The following EIF2AK4 variants were observed in gnomAD, a reference collection of about 807,000 sequenced individuals.
EIF2AK4 encodes eIF-2-alpha kinase GCN2.
A neutral mutation model predicts 211.1 loss-of-function variants in EIF2AK4; 139 were observed. The observed-to-expected ratio is 0.66, with a 90% confidence interval of 0.57 to 0.76. The LOEUF is 0.76. Among genes scored for constraint, EIF2AK4 ranks in the 30% least tolerant of loss-of-function variants. The pLI is 0.00. For missense variants in EIF2AK4, 1,664 were observed against 2,043.8 expected (o/e 0.81, Z 3.58); for synonymous variants, 710 against 751.3 (o/e 0.94, Z 0.90).
intron 38 of EIF2AK4, 103 bp downstream of exon 38, chr15:40,034,547 G>GT: frequency 4.7e-6 from 4 of 854,402 alleles, no homozygotes; most frequent in Non-Finnish European, 7.7e-6. Flanking sequence ...TTGACGCCTG[G>GT]TAAGCTGTTC....
chr15:40,007,884 G>A, intron 24 of EIF2AK4, 143 bp from the exon 25 acceptor site: 1 of 595,844 alleles, frequency 1.7e-6, no homozygotes, highest in Non-Finnish European at 2.7e-6. Context: ...GCTGTTCCAG[G>A]TCAAATTTGT....
At chr15:40,032,106 A>T in intron 35 of EIF2AK4, 63 bp from the exon 36 acceptor site, 2 of 1,333,520 alleles carry the variant, frequency 1.5e-6, no homozygotes, top group South Asian at 2.4e-5. Context: ...GGGATAGGAA[A>T]TAAGATGGCA....
chr15:39,964,877 G>A (rs1258150417), intron 7 of EIF2AK4, among the ~76,000 whole-genome samples: 1 of 152,106 alleles, frequency 6.6e-6, no homozygotes, highest in Non-Finnish European at 1.5e-5. Context: ...TGACCAGTTT[G>A]TATTTACTGA....
At chr15:39,957,218 A>G (rs2034403428) in intron 6 of EIF2AK4, among the ~76,000 whole-genome samples, 1 of 152,194 alleles carries the variant, frequency 6.6e-6, no homozygotes, top group Non-Finnish European at 1.5e-5. Flanking sequence ...AAGTTTAAAC[A>G]TTTCTATTTT....
In EIF2AK4 at chr15:39,994,482, G is replaced by A. The variant is rs565727912; in HGVS notation, c.2766+1634G>A. ...AAATTAGCCAGTCCTGGTGGCACACGTCTGTAGTCCCAGCTCCTCAGGAGG... is the reference window on the plus strand; with the variant it reads ...AAATTAGCCAGTCCTGGTGGCACACATCTGTAGTCCCAGCTCCTCAGGAGG... On this transcript the variant is annotated intron_variant, in intron 18 of 38. Transcript: ENST00000263791. 4.9e-4 allele frequency among the ~76,000 whole-genome samples: 75 copies of A among 152,222 alleles called. No homozygotes were observed. The South Asian group carries it at 0.015, about 30-fold the overall frequency.
intron 16 of EIF2AK4, 127 bp from the exon 17 acceptor site, chr15:39,992,031 GAAAAAAAATTAAAACTC>G: frequency 1.3e-6 from 1 of 763,822 alleles, no homozygotes; most frequent in African/African-American, 1.7e-5. Flanking sequence ...AACTAAACTA[GAAAAAAAATTAAAACTC>G]AAAGCGTTAT....
chr15:39,978,338 A>G (rs1175697673), intron 13 of EIF2AK4, 191 bp downstream of exon 13: 2 of 331,308 alleles, frequency 6.0e-6, no homozygotes, highest in East Asian at 9.2e-5. Flanking sequence ...ATTTATCCAC[A>G]TAGTAAAACA....
chr15:39,954,373 C>T (rs1042570326), intron 5 of EIF2AK4, among the ~76,000 whole-genome samples: 2 of 152,220 alleles, frequency 1.3e-5, no homozygotes, highest in Admixed American at 6.5e-5. Context: ...ATGCCTCAGC[C>T]TCCCGAGTAT....
chr15:40,032,672 C>G, intron 36 of EIF2AK4, 85 bp from the exon 37 acceptor site: 1 of 1,277,836 alleles, frequency 7.8e-7, no homozygotes, highest in Non-Finnish European at 1.1e-6. Flanking sequence ...AAACCCTATT[C>G]ATACTGCTGC....
In EIF2AK4 at chr15:40,029,804, A is replaced by G. The variant is rs922756598; in HGVS notation, c.4561+340A>G. Among the ~76,000 whole-genome samples the G allele has an allele frequency of 5.6e-4, 85 of 152,312 alleles. 1 individual carries two copies. Among genetic ancestry groups the G allele is most frequent in the Middle Eastern group, 3.4e-3 (1 of 294 alleles). Reference sequence around the variant, plus strand: ...AAGGAAGTATTTTGAAATCCCTTGAAGAAGGACACTATACACATTTTGTTT... The same window carrying G: ...AAGGAAGTATTTTGAAATCCCTTGAGGAAGGACACTATACACATTTTGTTT... On this transcript the variant is annotated intron_variant, in intron 34 of 38. Transcript: ENST00000263791.
chr15:39,973,102 G>C, intron 10 of EIF2AK4, 88 bp downstream of exon 10: 1 of 1,058,600 alleles, frequency 9.4e-7, no homozygotes, highest in Non-Finnish European at 1.5e-6. Flanking sequence ...GGAAGGGGCT[G>C]CATGTGTTAT....
Position 39,997,054 on chromosome 15 carries a change from C to A in EIF2AK4, c.2857C>A (p.Gln953Lys). 2 of 1,611,296 alleles carry A rather than the reference C, an allele frequency of 1.2e-6. No individual in the cohort carries two copies. Among genetic ancestry groups the A allele is most frequent in the Non-Finnish European group, 8.5e-7 (1 of 1,177,496 alleles). Residue 953 changes from glutamine to lysine, a missense_variant, in exon 19 of 39, where the codon CAA becomes AAA. Coordinates refer to ENST00000263791, the MANE Select transcript of EIF2AK4 (RefSeq NM_001013703.4). ...TASERIFVLN[Q>K]LRDPTSPKFP... ...TTCAGAAAGGATCTTTGTTCTCAAC[C>A]AACTCAGAGATGTATGTATCAGGTG...
chr15:40,012,315 C>T (rs144175433), intron 27 of EIF2AK4, among the ~76,000 whole-genome samples: 34 of 152,218 alleles, frequency 2.2e-4, no homozygotes, highest in Middle Eastern at 3.4e-3. Flanking sequence ...AGAGGGCACA[C>T]GGAAACCAGA....
At chr15:39,999,620 G>A (rs2035065517) in intron 20 of EIF2AK4, among the ~76,000 whole-genome samples, 1 of 152,058 alleles carries the variant, frequency 6.6e-6, no homozygotes, top group South Asian at 2.1e-4. Context: ...AAAAGATTAA[G>A]TACTCTTTAT....
chr15:39,962,361 CA>C (rs796601934), intron 7 of EIF2AK4, among the ~76,000 whole-genome samples: 19 of 152,204 alleles, frequency 1.2e-4, no homozygotes, highest in African/African-American at 4.6e-4. Flanking sequence ...CTTATTGAAA[CA>C]AAAAAATGAT....
intron 9 of EIF2AK4, among the ~76,000 whole-genome samples, chr15:39,969,448 C>T (rs1323778462): frequency 6.7e-6 from 1 of 150,354 alleles, no homozygotes; most frequent in Non-Finnish European, 1.5e-5. Flanking sequence ...GCAAGCTCCG[C>T]CTCCCAGGTT....
chr15:39,989,323 C>A lies in EIF2AK4; in HGVS notation c.2527-950C>A, dbSNP rs149320705. On this transcript the variant is annotated intron_variant, in intron 15 of 38. Coordinates refer to ENST00000263791, the MANE Select transcript of EIF2AK4 (RefSeq NM_001013703.4). ...TTTCCTTTGCCTCAAATTTCTTTAA[C>A]CTTAAAATGTTTGTACTGTACCGTA... is the stretch of plus-strand genomic sequence containing the variant. Among the ~76,000 whole-genome samples, 893 of 152,240 alleles carry A rather than the reference C, an allele frequency of 5.9e-3. 13 individuals carry two copies. The highest frequency in any genetic ancestry group is 0.021 in the African/African-American group (864 of 41,534).
At chr15:40,020,866 C>T (rs746232285) in intron 30 of EIF2AK4, 33 bp from the exon 31 acceptor site, 1 of 1,582,524 alleles carries the variant, frequency 6.3e-7, no homozygotes, top group South Asian at 1.2e-5. Context: ...CAGTCTTGCT[C>T]CTCTAACTGT....
rs2034707121 is a variant in EIF2AK4, at chr15:39,976,953, C to A, written c.2249+109C>A. The stretch of plus-strand genomic sequence containing the variant: ...CCTTCCTTCCTTCTTTCCTTCTTTT[C>A]TTTCTTTCCTTTTTTGAGATAGGGT... On this transcript the variant is annotated intron_variant, in intron 12 of 38. Transcript: ENST00000263791. 9 of 1,301,450 alleles carry A rather than the reference C, an allele frequency of 6.9e-6. No homozygotes were observed. In the South Asian group the frequency reaches 1.6e-4, roughly 24 times the overall value. The allele number at this position is 1,301,450 out of a possible 1,614,324, so 80.6% of individuals were successfully genotyped here. A position where few individuals can be genotyped will look rare whatever the true frequency, so the allele number is the denominator to read the frequency against.
Sources: allele counts gnomAD v4.1 joint callset (sites outside exome capture counted in the v4.1 genomes callset), GRCh38; gene constraint gnomAD v4.1.1; transcripts MANE v1.5; gene names NCBI Gene and HGNC (gene_info 2026-07-23, HGNC 2026-07-21).